The following GNB5 variants were observed in gnomAD, a reference collection of about 807,000 sequenced individuals.
GNB5 encodes the protein guanine nucleotide-binding protein subunit beta-5.
In GNB5, 37 loss-of-function variants were observed where a neutral mutation model predicts 55.3. The ratio of observed to expected loss-of-function variants is 0.67; its 90% CI spans 0.51 to 0.88. The LOEUF (loss-of-function observed/expected upper bound fraction) is 0.88, where lower values mean the gene tolerates loss of function less well. Ranked by LOEUF, GNB5 falls within the 40% of genes least tolerant of loss-of-function variation. The pLI is 0.00. For missense variants in GNB5, 476 were observed against 515.3 expected, an observed-to-expected ratio of 0.92 and a Z score of 0.74; for synonymous variants, 219 against 198.5, an observed-to-expected ratio of 1.10 and a Z score of -0.87.
At chr15:52,129,856 G>A (rs2033529421) in intron 9 of GNB5, among the ~76,000 whole-genome samples, 2 of 152,238 alleles carry the variant, frequency 1.3e-5, no homozygotes, top group Admixed American at 1.3e-4. Context: ...CCCTTACAAT[G>A]AAGAAATGTC....
intron 1 of GNB5, among the ~76,000 whole-genome samples, chr15:52,187,775 C>T (rs940851691): frequency 1.3e-5 from 2 of 151,942 alleles, no homozygotes; most frequent in Non-Finnish European, 2.9e-5. Flanking sequence ...ATAAGGAAAC[C>T]TCATCTCTAC....
rs552630706 is a variant in GNB5 at position 52,138,394 on chromosome 15, A to C, written c.628-2638T>G. On this transcript the variant is annotated intron_variant, in intron 7 of 12. Transcript: ENST00000261837. ...TGAGACTTGGTCTCAAAAAAAAAAAAAAAAAAACTCATTTTTTTTTCTTTT... is the reference window on the plus strand; with the variant it reads ...TGAGACTTGGTCTCAAAAAAAAAAACAAAAAAACTCATTTTTTTTTCTTTT... 3 of 152,020 alleles carry C rather than the reference A, an allele frequency of 2.0e-5. 1 individual carries two copies. Among genetic ancestry groups the C allele is most frequent in the African/African-American group, 4.9e-5 (2 of 40,918 alleles). The allele number at this position is 152,020 out of a possible 1,614,324, so 9.4% of individuals were successfully genotyped here. A position where few individuals can be genotyped will look rare whatever the true frequency, so the allele number is the denominator to read the frequency against.
chr15:52,155,604 G>C (rs1474420234), intron 3 of GNB5, among the ~76,000 whole-genome samples: 1 of 152,194 alleles, frequency 6.6e-6, no homozygotes, highest in Non-Finnish European at 1.5e-5. Flanking sequence ...CACGATCATA[G>C]ATTGCATTCA....
chr15:52,168,881 A>C (rs2034500233), intron 3 of GNB5, among the ~76,000 whole-genome samples: 1 of 152,256 alleles, frequency 6.6e-6, no homozygotes, highest in African/African-American at 2.4e-5. Context: ...AGGATTCCCT[A>C]TTTAATAAAT....
In GNB5 at chr15:52,116,972, G is replaced by C. The variant is rs2033153702; in HGVS notation, c.*5785C>G. On this transcript the variant is annotated 3_prime_UTR_variant, in exon 13 of 13. Coordinates refer to ENST00000261837, the MANE Select transcript of GNB5 (RefSeq NM_016194.4). The stretch of plus-strand genomic sequence containing the variant: ...AGAGTCTCGCTCTGTCGCCCAGGCT[G>C]GAGTGCAGTGGTGCCATCTCGGCTC... 1 of 148,666 alleles carries C rather than the reference G, an allele frequency of 6.7e-6. No individual in the cohort carries two copies. Among genetic ancestry groups the C allele is most frequent in the East Asian group, 2.0e-4 (1 of 5,048 alleles). The allele number at this position is 148,666 out of a possible 1,614,324, so 9.2% of individuals were successfully genotyped here. A position where few individuals can be genotyped will look rare whatever the true frequency, so the allele number is the denominator to read the frequency against.
At chr15:52,129,495 T>A (rs180941161) in intron 9 of GNB5, among the ~76,000 whole-genome samples, 6 of 152,298 alleles carry the variant, frequency 3.9e-5, no homozygotes, top group African/African-American at 1.4e-4. Context: ...CCCCAGTCAG[T>A]CCATCACAGT....
At chr15:52,122,799 C>T (rs75023617) in intron 12 of GNB5, 31 bp from the exon 13 acceptor site, 31,436 of 1,577,496 alleles carry the variant, frequency 0.02, 435 homozygotes, top group Non-Finnish European at 0.024. Context: ...AGTTTTTAGA[C>T]CTTTGTAGTT....
intron 10 of GNB5, among the ~76,000 whole-genome samples, chr15:52,127,783 T>C (rs1317827200): frequency 1.3e-5 from 2 of 149,942 alleles, no homozygotes; most frequent in Non-Finnish European, 3.0e-5. Context: ...TGATGAGAGG[T>C]ACAAAAACAC....
At chr15:52,139,302 C>A (rs923324275) in intron 7 of GNB5, among the ~76,000 whole-genome samples, 1 of 152,048 alleles carries the variant, frequency 6.6e-6, no homozygotes, top group Non-Finnish European at 1.5e-5. Flanking sequence ...ATTAGCCAGG[C>A]ATGGTGGCGT....
chr15:52,179,899 G>A lies in GNB5; in HGVS notation c.127-20C>T, dbSNP rs763272600. ...TGCCATCTTCGCGCGGGGACGCAGC[G>A]GAGAGGGAAGCGGAGAGCGGGAATG... On this transcript the variant is annotated intron_variant, in intron 2 of 12. Transcript: ENST00000261837. 9.9e-6 allele frequency: 15 copies of A among 1,509,290 alleles called. No homozygotes were observed. The East Asian group carries it at 3.1e-4, about 31-fold the overall frequency. The allele number at this position is 1,509,290 out of a possible 1,614,324, so 93.5% of individuals were successfully genotyped here.
In GNB5 at chr15:52,117,102, A is replaced by ATATATATT; in HGVS notation, c.*5654_*5655insAATATATA. The ATATATATT allele has an allele frequency of 1.4e-3, 121 of 87,096 alleles. 15 individuals carry two copies. Among genetic ancestry groups the ATATATATT allele is most frequent in the Non-Finnish European group, 2.2e-3 (100 of 46,194 alleles). The allele number at this position is 87,096 out of a possible 1,614,324, so 5.4% of individuals were successfully genotyped here. A position where few individuals can be genotyped will look rare whatever the true frequency, so the allele number is the denominator to read the frequency against. ...CCACGCCCAGCTAATATATATATAT[A>ATATATATT]TTTTTTTTTAGTACAGACAGGGTTT... On this transcript the variant is annotated 3_prime_UTR_variant, in exon 13 of 13. Coordinates refer to ENST00000261837, the MANE Select transcript of GNB5 (RefSeq NM_016194.4).
chr15:52,180,156 C>T (rs2034744340), intron 2 of GNB5: 2 of 254,856 alleles, frequency 7.8e-6, no homozygotes, highest in East Asian at 1.6e-4. Context: ...AGCGGGCAAA[C>T]TGTGGCTTAG....
chr15:52,178,382 A>G (rs533164514), intron 3 of GNB5, among the ~76,000 whole-genome samples: 20 of 152,298 alleles, frequency 1.3e-4, no homozygotes, highest in African/African-American at 4.8e-4. Flanking sequence ...CTTGATAGGG[A>G]GCAAAGAGAG....
Position 52,189,536 on chromosome 15 carries a change from C to T in GNB5, c.-19+1786G>A, listed in dbSNP as rs569927944. ...TGGAGGTTGCAGTGAGCCAAGATCG[C>T]GCCACTGAAATCCAGCCTGGGCAAT... On this transcript the variant is annotated intron_variant, in intron 1 of 12. Coordinates refer to ENST00000261837, the MANE Select transcript of GNB5 (RefSeq NM_016194.4). Among the ~76,000 whole-genome samples, 24 of 152,076 alleles carry T rather than the reference C, an allele frequency of 1.6e-4. No homozygotes were observed. The East Asian group carries it at 1.7e-3, about 11-fold the overall frequency.
Position 52,184,665 on chromosome 15 carries a change from C to A in GNB5, c.12G>T (p.Gln4His). 1 of 1,613,372 alleles carries A rather than the reference C, an allele frequency of 6.2e-7. No individual in the cohort carries two copies. The highest frequency in any genetic ancestry group is 8.5e-7 in the Non-Finnish European group (1 of 1,179,524). MCD[Q>H]TFLVNVFGSC... ...AGCCAAATACATTAACGAGAAAGGT[C>A]TGATCACACATCTTTTACCCAAGAT... The change falls in exon 2 of 13, where the codon CAG becomes CAT. Residue 4 changes from glutamine to histidine, a missense_variant. Transcript: ENST00000261837.
chr15:52,136,088 CACACACACACAGGGAAAAGCAGAAA>C (rs2033704698), intron 7 of GNB5, among the ~76,000 whole-genome samples: 1 of 144,050 alleles, frequency 6.9e-6, no homozygotes, highest in African/African-American at 2.7e-5. Context: ...CACACACACA[CACACACACACAGGGAAAAGCAGAAA>C]ACACACACAC....
intron 8 of GNB5, 50 bp from the exon 9 acceptor site, chr15:52,133,519 A>G (rs770978752): frequency 8.5e-7 from 1 of 1,181,914 alleles, no homozygotes; most frequent in South Asian, 1.2e-5. Context: ...GAATGTCTAT[A>G]GACAAGGCAC....
intron 9 of GNB5, among the ~76,000 whole-genome samples, chr15:52,129,572 G>A (rs893443580): frequency 5.9e-5 from 9 of 152,158 alleles, no homozygotes; most frequent in African/African-American, 2.2e-4. Context: ...ATATTCCAAT[G>A]TCAAAATGAT....
intron 6 of GNB5, among the ~76,000 whole-genome samples, chr15:52,145,782 G>T (rs758860962): frequency 3.3e-5 from 5 of 152,126 alleles, no homozygotes; most frequent in Non-Finnish European, 7.3e-5. Flanking sequence ...AAGATGGTTG[G>T]TGTGACTGGC....
Sources: allele counts gnomAD v4.1 joint callset (sites outside exome capture counted in the v4.1 genomes callset), GRCh38; gene constraint gnomAD v4.1.1; transcripts MANE v1.5; gene names NCBI Gene and HGNC (gene_info 2026-07-23, HGNC 2026-07-21).